Variants in EPM2A observed in about 807,000 individuals in gnomAD.
EPM2A encodes laforin.
A neutral mutation model predicts 26.5 loss-of-function variants in EPM2A; 21 were observed. That is an observed-to-expected ratio of 0.79 (90% CI 0.56 to 1.14). EPM2A has a LOEUF of 1.14. EPM2A is among the 50% of genes most tolerant of loss of function. EPM2A has a pLI of 0.00. For synonymous variants in EPM2A, 217 were observed against 177.6 expected (o/e 1.22, Z -1.76); for missense variants, 458 against 440.8 (o/e 1.04, Z -0.35).
intron 4 of EPM2A, among the ~76,000 whole-genome samples, chr6:145,496,143 G>C (rs1453162978): frequency 6.6e-6 from 1 of 152,060 alleles, no homozygotes; most frequent in Non-Finnish European, 1.5e-5. Context: ...ATTACTTCTG[G>C]CTTGTAGGGT....
At chr6:145,548,897 G>A (rs968616824) in intron 2 of EPM2A, among the ~76,000 whole-genome samples, 3 of 151,990 alleles carry the variant, frequency 2.0e-5, no homozygotes, top group African/African-American at 7.2e-5. Context: ...ACAAAACAAG[G>A]CTCTTCTTAA....
intron 4 of EPM2A, among the ~76,000 whole-genome samples, chr6:145,394,679 C>T (rs1320044073): frequency 1.3e-5 from 2 of 152,096 alleles, no homozygotes; most frequent in Non-Finnish European, 2.9e-5. Flanking sequence ...TTGTGCCAGA[C>T]CCACACACAT....
At chr6:145,416,575 T>C (rs779411119) in intron 4 of EPM2A, among the ~76,000 whole-genome samples, 25 of 152,068 alleles carry the variant, frequency 1.6e-4, no homozygotes, top group Non-Finnish European at 3.2e-4. Flanking sequence ...GGAATAAGGA[T>C]AACGTAGGGA....
chr6:145,623,898 G>A (rs1775689176), downstream of EPM2A, among the ~76,000 whole-genome samples: 1 of 152,182 alleles, frequency 6.6e-6, no homozygotes, highest in Non-Finnish European at 1.5e-5. Flanking sequence ...AATAAAGAGA[G>A]GAGTCAAGGA....
chr6:145,575,928 T>C (rs1376523945), intron 2 of EPM2A, among the ~76,000 whole-genome samples: 1 of 152,160 alleles, frequency 6.6e-6, no homozygotes, highest in Non-Finnish European at 1.5e-5. Flanking sequence ...GACAGACCCA[T>C]TGATTCAAGT....
chr6:145,672,096 A>G (rs556566644), intron 2 of EPM2A, among the ~76,000 whole-genome samples: 1 of 152,376 alleles, frequency 6.6e-6, no homozygotes, highest in East Asian at 1.9e-4. Context: ...TAGCCTGAAT[A>G]TAAAAATGCA....
At chr6:145,605,200 A>G (rs1006056352) in intron 2 of EPM2A, among the ~76,000 whole-genome samples, 3 of 152,186 alleles carry the variant, frequency 2.0e-5, no homozygotes, top group Non-Finnish European at 4.4e-5. Context: ...TTTGAGAGTC[A>G]GCTTAGAGTT....
chr6:145,522,706 A>G (rs1780218883), intron 2 of EPM2A, among the ~76,000 whole-genome samples: 2 of 152,128 alleles, frequency 1.3e-5, no homozygotes, highest in Non-Finnish European at 2.9e-5. Flanking sequence ...GCTTCAGGAT[A>G]AAATGCACAC....
intron 2 of EPM2A, among the ~76,000 whole-genome samples, chr6:145,559,574 G>T (rs1046263411): frequency 6.6e-6 from 1 of 151,068 alleles, no homozygotes; most frequent in Non-Finnish European, 1.5e-5. Flanking sequence ...CCCCAGAAAA[G>T]ATAAATTTTT....
chr6:145,455,590 T>C (rs976632771), intron 4 of EPM2A, among the ~76,000 whole-genome samples: 2 of 152,144 alleles, frequency 1.3e-5, no homozygotes, highest in Non-Finnish European at 2.9e-5. Context: ...ACTCCTGACC[T>C]CAGGTGATCC....
Position 145,699,385 on chromosome 6 carries a change from T to C in EPM2A, c.302-13089A>G, listed in dbSNP as rs138688330. ...ACTGAAAGGCTATGCTGAGTTGTAT[T>C]CTAAGGATCAACTGGCTCACTGGGA... is the stretch of plus-strand genomic sequence containing the variant. On this transcript the variant is annotated intron_variant, in intron 1 of 3. Coordinates refer to ENST00000367519, the MANE Select transcript of EPM2A (RefSeq NM_005670.4). Among the ~76,000 whole-genome samples the C allele has an allele frequency of 9.2e-5, 14 of 152,312 alleles. No homozygotes were observed. In the East Asian group the frequency reaches 2.7e-3, roughly 29 times the overall value.
At chr6:145,561,769 G>A (rs953203771) in intron 2 of EPM2A, among the ~76,000 whole-genome samples, 6 of 152,104 alleles carry the variant, frequency 3.9e-5, no homozygotes, top group African/African-American at 7.2e-5. Context: ...ATCAGACAGC[G>A]TTTCTCGTTT....
intron 2 of EPM2A, among the ~76,000 whole-genome samples, chr6:145,652,563 T>C (rs1777959352): frequency 6.6e-6 from 1 of 152,050 alleles, no homozygotes; most frequent in South Asian, 2.1e-4. Context: ...AATATATCCA[T>C]ATAGCCAGCA....
At chr6:145,512,710 C>CAAAAAAA (rs58668403) in intron 2 of EPM2A, among the ~76,000 whole-genome samples, 9 of 22,540 alleles carry the variant, frequency 4.0e-4, no homozygotes, top group East Asian at 1.0e-3. Context: ...GACTCCATCT[C>CAAAAAAA]AAAAAAAAAA....
Position 145,546,151 on chromosome 6 carries a change from G to T in EPM2A, c.341-43576C>A, listed in dbSNP as rs141918258. Among the ~76,000 whole-genome samples the T allele has an allele frequency of 5.0e-3, 759 of 152,232 alleles. 4 individuals carry two copies. The highest frequency in any genetic ancestry group is 0.018 in the African/African-American group (739 of 41,534). ...CAGAACTAGGGATGCCAGTGGCATA[G>T]CCCAGTTCAAGTCTGAAGGCCTGAG... is the stretch of plus-strand genomic sequence containing the variant. On this transcript the variant is annotated intron_variant, in intron 2 of 3. Coordinates refer to the EPM2A transcript ENST00000450221.
intron 4 of EPM2A, among the ~76,000 whole-genome samples, chr6:145,457,076 C>A (rs903689192): frequency 3.3e-5 from 5 of 152,170 alleles, no homozygotes; most frequent in Admixed American, 3.3e-4. Context: ...TATTAGCTCG[C>A]TTCATGCTCA....
At chr6:145,698,769 C>T (rs531452782) in intron 1 of EPM2A, among the ~76,000 whole-genome samples, 2 of 152,166 alleles carry the variant, frequency 1.3e-5, no homozygotes, top group African/African-American at 4.8e-5. Flanking sequence ...TATATTTAAA[C>T]ATAGGACCTT....
intron 4 of EPM2A, among the ~76,000 whole-genome samples, chr6:145,457,074 C>T (rs9497312): frequency 3.3e-5 from 5 of 152,070 alleles, no homozygotes; most frequent in Admixed American, 2.0e-4. Flanking sequence ...TATATTAGCT[C>T]GCTTCATGCT....
chr6:145,675,414 G>A (rs933575760), intron 2 of EPM2A, among the ~76,000 whole-genome samples: 4 of 152,260 alleles, frequency 2.6e-5, no homozygotes, highest in Admixed American at 6.5e-5. Context: ...CATAATGACA[G>A]GATCAAATTC....
Sources: gnomAD v4.1 joint callset for allele counts (sites outside exome capture counted in the v4.1 genomes callset) on GRCh38, gnomAD v4.1.1 for gene constraint, MANE v1.5 for transcripts, NCBI Gene and HGNC (gene_info 2026-07-23, HGNC 2026-07-21) for gene names.